Variants in SEZ6L observed in about 807,000 individuals in gnomAD.
SEZ6L encodes seizure related 6 homolog like.
A neutral mutation model predicts 106.2 loss-of-function variants in SEZ6L; 37 were observed. The ratio of observed to expected loss-of-function variants is 0.35; its 90% CI spans 0.27 to 0.46. The LOEUF (loss-of-function observed/expected upper bound fraction) is 0.46, where lower values mean the gene tolerates loss of function less well. Among genes scored for constraint, SEZ6L ranks in the 20% least tolerant of loss-of-function variants. The pLI, the probability that SEZ6L is intolerant of heterozygous loss-of-function variation, is 1.00. For synonymous variants in SEZ6L, 541 were observed against 570.4 expected, an observed-to-expected ratio of 0.95 and a Z score of 0.73; for missense variants, 1,172 against 1,332.8, an observed-to-expected ratio of 0.88 and a Z score of 1.88.
intron 13 of SEZ6L, among the ~76,000 whole-genome samples, chr22:26,368,531 G>A (rs1417690202): frequency 6.6e-6 from 1 of 152,200 alleles, no homozygotes; most frequent in Non-Finnish European, 1.5e-5. Flanking sequence ...CTGTTTCTAG[G>A]AAACATCTAG....
At chr22:26,230,876 A>G (rs978906631) in intron 1 of SEZ6L, among the ~76,000 whole-genome samples, 5 of 152,234 alleles carry the variant, frequency 3.3e-5, no homozygotes, top group African/African-American at 9.6e-5. Context: ...ATAGTGAGCC[A>G]TGGGGAGGCT....
chr22:26,238,364 CT>C (rs1489391182), intron 1 of SEZ6L, among the ~76,000 whole-genome samples: 1 of 152,222 alleles, frequency 6.6e-6, no homozygotes, highest in Non-Finnish European at 1.5e-5. Context: ...TGCATTCCAT[CT>C]GGAAGAAGAC....
intron 1 of SEZ6L, among the ~76,000 whole-genome samples, chr22:26,195,057 A>T (rs182990037): frequency 3.3e-4 from 50 of 152,342 alleles, no homozygotes; most frequent in Middle Eastern, 3.4e-3. Context: ...CCCAGGCACA[A>T]CTGGGAATGA....
chr22:26,266,536 G>A (rs1345087212), intron 1 of SEZ6L, among the ~76,000 whole-genome samples: 2 of 151,630 alleles, frequency 1.3e-5, no homozygotes, highest in Non-Finnish European at 2.9e-5. Context: ...TCGCACCACT[G>A]CACTCCCGCC....
intron 1 of SEZ6L, among the ~76,000 whole-genome samples, chr22:26,274,494 A>T (rs1482243020): frequency 6.6e-6 from 1 of 151,842 alleles, no homozygotes; most frequent in Non-Finnish European, 1.5e-5. Context: ...CTGCTCTCAG[A>T]CTCCTGCCCC....
chr22:26,350,211 CATATATAT>C (rs34286571), intron 11 of SEZ6L, among the ~76,000 whole-genome samples: 3 of 145,652 alleles, frequency 2.1e-5, no homozygotes, highest in African/African-American at 7.6e-5. Context: ...TATATATACA[CATATATAT>C]ATATATATAT....
intron 1 of SEZ6L, among the ~76,000 whole-genome samples, chr22:26,194,235 G>A (rs1381027549): frequency 6.6e-6 from 1 of 152,162 alleles, no homozygotes; most frequent in African/African-American, 2.4e-5. Context: ...ATGGGAAAAT[G>A]AAGATCTTTT....
At chr22:26,214,236 A>C (rs748832094) in intron 1 of SEZ6L, among the ~76,000 whole-genome samples, 19 of 152,376 alleles carry the variant, frequency 1.2e-4, no homozygotes, top group Admixed American at 3.3e-4. Context: ...TGTGTGTCCT[A>C]GAGCAGCTCA....
At chr22:26,304,362 AAAG>A (rs1197834599) in intron 5 of SEZ6L, among the ~76,000 whole-genome samples, 1,346 of 127,826 alleles carry the variant, frequency 0.011, 38 homozygotes, top group Non-Finnish European at 0.012. Context: ...AAAAAAAAAA[AAAG>A]AAAGAAGAAA....
intron 9 of SEZ6L, among the ~76,000 whole-genome samples, chr22:26,328,205 A>G (rs62225715): frequency 6.6e-6 from 1 of 152,164 alleles, no homozygotes; most frequent in Non-Finnish European, 1.5e-5. Context: ...GTCACAGGTC[A>G]GAAAGGTGGC....
intron 1 of SEZ6L, among the ~76,000 whole-genome samples, chr22:26,262,711 G>A (rs993620376): frequency 2.6e-5 from 4 of 152,184 alleles, no homozygotes; most frequent in African/African-American, 9.7e-5. Context: ...AGACTAGCCA[G>A]ACGGGAGAAG....
chr22:26,347,975 T>A, intron 11 of SEZ6L, 62 bp downstream of exon 11: 1 of 1,381,426 alleles, frequency 7.2e-7, no homozygotes, highest in Non-Finnish European at 9.7e-7. Context: ...CTAGGGATCT[T>A]TTTTTGGTGG....
At chr22:26,309,544 A>T (rs2081746377) in intron 6 of SEZ6L, among the ~76,000 whole-genome samples, 1 of 152,150 alleles carries the variant, frequency 6.6e-6, no homozygotes, top group Admixed American at 6.5e-5. Context: ...GTGGGAGTCA[A>T]ATGCTTAATA....
intron 9 of SEZ6L, among the ~76,000 whole-genome samples, chr22:26,338,405 T>C (rs2082711066): frequency 6.6e-6 from 1 of 152,202 alleles, no homozygotes; most frequent in Admixed American, 6.5e-5. Flanking sequence ...TTTTGTTTTG[T>C]TTTGTTTTGT....
chr22:26,290,573 GT>G (rs2081078918), intron 1 of SEZ6L, among the ~76,000 whole-genome samples: 1 of 151,794 alleles, frequency 6.6e-6, no homozygotes, highest in African/African-American at 2.4e-5. Flanking sequence ...TGACTAAATG[GT>G]TTTACCTTCC....
intron 1 of SEZ6L, among the ~76,000 whole-genome samples, chr22:26,238,040 C>G (rs542845156): frequency 2.0e-5 from 3 of 152,094 alleles, no homozygotes; most frequent in Non-Finnish European, 4.4e-5. Context: ...CCAAGTTCCC[C>G]GGGGGAGATG....
At chr22:26,355,055 A>G (rs1005679431) in intron 12 of SEZ6L, among the ~76,000 whole-genome samples, 2 of 152,232 alleles carry the variant, frequency 1.3e-5, no homozygotes, top group Admixed American at 1.3e-4. Flanking sequence ...TTCTGAAGGC[A>G]TTTTTAAGGT....
At chr22:26,312,973 T>C (rs1241544451) in intron 8 of SEZ6L, among the ~76,000 whole-genome samples, 2 of 152,238 alleles carry the variant, frequency 1.3e-5, no homozygotes, top group Non-Finnish European at 2.9e-5. Context: ...ACCGCCTCAA[T>C]GGCAGTTGGT....
In SEZ6L at chr22:26,310,734, A is replaced by G; in HGVS notation, c.1579A>G (p.Ser527Gly). ...TCTCTACGACTCCCTTCAAACCGAG[A>G]GTGTCCCTTTTGAGGGCCTGCTGAG... ...ALLYDSLQTE[S>G]VPFEGLLSEG... Residue 527 changes from serine (S) to glycine (G), a missense_variant, in exon 7 of 17, where the codon AGT becomes GGT. Around this residue, in one of 4 missense-constraint regions of SEZ6L, gnomAD observed 534 missense variants for 691.0 expected, o/e 0.77. Transcript: ENST00000248933. 6.2e-7 allele frequency: 1 copy of G among 1,614,074 alleles called. No individual in the cohort carries two copies. The highest frequency in any genetic ancestry group is 8.5e-7 in the Non-Finnish European group (1 of 1,180,002).
Sources: allele counts gnomAD v4.1 joint callset (sites outside exome capture counted in the v4.1 genomes callset), GRCh38; gene constraint gnomAD v4.1.1; regional missense constraint gnomAD v4.1.1; transcripts MANE v1.5; gene names NCBI Gene and HGNC (gene_info 2026-07-23, HGNC 2026-07-21).